Variants in DNAH17 observed in about 807,000 individuals in gnomAD.
DNAH17 encodes dynein axonemal heavy chain 17.
DNAH17 carries 376 observed loss-of-function variants against 485.6 expected under a neutral mutation model. The ratio of observed to expected loss-of-function variants is 0.77; its 90% CI spans 0.71 to 0.84. The LOEUF (loss-of-function observed/expected upper bound fraction) is 0.84. DNAH17 is among the 40% of genes least tolerant of loss of function. The pLI is 0.00. For synonymous variants in DNAH17, 3,031 were observed against 2,405.9 expected, an observed-to-expected ratio of 1.26 and a Z score of -7.60; for missense variants, 6,370 against 5,839.3, an observed-to-expected ratio of 1.09 and a Z score of -2.96.
intron 77 of DNAH17, 199 bp downstream of exon 77, chr17:78,428,326 G>A: frequency 1.5e-6 from 1 of 661,058 alleles, no homozygotes; most frequent in Non-Finnish European, 2.7e-6. Flanking sequence ...CTCACCCGAA[G>A]CCTGCAGCTG....
Position 78,571,757 on chromosome 17 carries a change from G to A in DNAH17, c.565C>T (p.Leu189Phe), listed in dbSNP as rs773423744. 2.5e-6 allele frequency: 4 copies of A among 1,602,546 alleles called. No homozygotes were observed. In the East Asian group the frequency reaches 6.7e-5, roughly 27 times the overall value. The change falls in exon 4 of 81, where the codon CTC becomes TTC. Residue 189 changes from leucine (L) to phenylalanine (F), a missense_variant. Transcript: ENST00000389840. ...ATGGTGGTTTCAATGGCGTGCAGGA[G>A]CAAGTTGTCCAGTGAAGAGGGGATC... is the stretch of plus-strand genomic sequence containing the variant. ...ERIPSSLDNL[L>F]LHAIETTIID...
intron 74 of DNAH17, among the ~76,000 whole-genome samples, chr17:78,434,860 G>A (rs1232716733): frequency 6.6e-6 from 1 of 152,224 alleles, no homozygotes; most frequent in Non-Finnish European, 1.5e-5. Flanking sequence ...GCTCTACTCA[G>A]CGGCTGACGG....
Position 78,543,627 on chromosome 17 carries a change from G to C in DNAH17, c.2532+230C>G, listed in dbSNP as rs999922566. 5.4e-5 allele frequency: 33 copies of C among 605,790 alleles called. No individual in the cohort carries two copies. In the Middle Eastern group the frequency reaches 1.2e-3, roughly 22 times the overall value. The allele number at this position is 605,790 out of a possible 1,614,324, so 37.5% of individuals were successfully genotyped here. A position where few individuals can be genotyped will look rare whatever the true frequency, so the allele number is the denominator to read the frequency against. On this transcript the variant is annotated intron_variant, in intron 17 of 80. Coordinates refer to ENST00000389840, the MANE Select transcript of DNAH17 (RefSeq NM_173628.4). ...TTTAGTAAAGGCAGGGTTTCACCAC[G>C]TTGGTCAAGCTGGTCTCGATCTCCT...
chr17:78,450,220 G>A (rs773202293), intron 68 of DNAH17, 34 bp downstream of exon 68: 1 of 1,611,752 alleles, frequency 6.2e-7, no homozygotes. Flanking sequence ...GCCCCACCTT[G>A]AGGGAGGCAC....
intron 54 of DNAH17, chr17:78,472,646 G>A: frequency 2.3e-6 from 1 of 440,282 alleles, no homozygotes; most frequent in Middle Eastern, 3.4e-4. Context: ...TGTGGGGAGG[G>A]GAGCTGGGGT....
intron 73 of DNAH17, among the ~76,000 whole-genome samples, chr17:78,438,539 C>T (rs938542478): frequency 2.1e-5 from 3 of 142,894 alleles, no homozygotes; most frequent in African/African-American, 5.3e-5. Context: ...ACTCTGTCGC[C>T]CGGGCTGGAG....
At chr17:78,433,971 G>GGGAAGGAGGGAGGGAA (rs1368780843) in intron 75 of DNAH17, 58 bp downstream of exon 75, 2 of 1,379,748 alleles carry the variant, frequency 1.4e-6, no homozygotes, top group Non-Finnish European at 2.0e-6. Context: ...GAAGGAGGGA[G>GGGAAGGAGGGAGGGAA]GGAAGGAGGG....
Position 78,499,029 on chromosome 17 carries a change from G to T in DNAH17, c.5724C>A (p.Val1908=), listed in dbSNP as rs1439984739. ...FDEFNRISVE[V]LSVIAVQVKC... is the part of the protein sequence containing the mutation. ...TTACCTGCACGGCAATCACAGACAAGACTTCCACTGAGATGCGATTAAACT... is the reference window on the plus strand; with the variant it reads ...TTACCTGCACGGCAATCACAGACAATACTTCCACTGAGATGCGATTAAACT... Residue 1908 remains valine, a synonymous_variant, in exon 37 of 81, where the codon GTC becomes GTA. Coordinates refer to ENST00000389840, the MANE Select transcript of DNAH17 (RefSeq NM_173628.4). 4.3e-6 allele frequency: 7 copies of T among 1,610,502 alleles called. No individual in the cohort carries two copies. In the Admixed American group the frequency reaches 1.2e-4, roughly 27 times the overall value.
Position 78,571,302 on chromosome 17 carries a change from T to G in DNAH17, c.809A>C (p.Asn270Thr). Reference protein sequence around the residue: ...AKSCYWPALQNVYTNVTEGLK... With the variant: ...AKSCYWPALQTVYTNVTEGLK... The stretch of plus-strand genomic sequence containing the variant: ...ACCTTCAGTGACGTTGGTGTAAACG[T>G]TTTGCAGGGCTGGCCAGTAGCAGCT... The change falls in exon 5 of 81, where the codon AAC becomes ACC. Residue 270 changes from asparagine to threonine, a missense_variant. Coordinates refer to ENST00000389840, the MANE Select transcript of DNAH17 (RefSeq NM_173628.4). 6.2e-7 allele frequency: 1 copy of G among 1,613,704 alleles called. No homozygotes were observed. Among genetic ancestry groups the G allele is most frequent in the Middle Eastern group, 1.7e-4 (1 of 6,054 alleles).
At chr17:78,474,082 G>A (rs2088898622) in intron 54 of DNAH17, among the ~76,000 whole-genome samples, 1 of 152,228 alleles carries the variant, frequency 6.6e-6, no homozygotes, top group South Asian at 2.1e-4. Context: ...GAGGTTGGCC[G>A]TCCCTGGCAC....
intron 19 of DNAH17, among the ~76,000 whole-genome samples, chr17:78,534,379 G>C (rs1405040071): frequency 6.6e-6 from 1 of 151,452 alleles, no homozygotes; most frequent in Non-Finnish European, 1.5e-5. Flanking sequence ...GGGAAGGTTG[G>C]CCCTAGGGCT....
chr17:78,457,297 G>A (rs2087850193), intron 62 of DNAH17, among the ~76,000 whole-genome samples: 2 of 152,098 alleles, frequency 1.3e-5, no homozygotes, highest in Non-Finnish European at 2.9e-5. Flanking sequence ...CTTGAACCCG[G>A]GAGATGGAGG....
At chr17:78,519,326 G>A (rs999247212) in intron 25 of DNAH17, among the ~76,000 whole-genome samples, 2 of 152,032 alleles carry the variant, frequency 1.3e-5, no homozygotes, top group Admixed American at 1.3e-4. Context: ...AAATTTTATA[G>A]CACGAAGTGT....
At chr17:78,450,416 G>A (rs1470288694) in intron 67 of DNAH17, 22 bp from the exon 68 acceptor site, 1 of 1,613,058 alleles carries the variant, frequency 6.2e-7, no homozygotes. Flanking sequence ...CAAAAGGGGT[G>A]TGAATGACAC....
rs146123326 is a variant in DNAH17 at position 78,458,587 on chromosome 17, T to G, written c.9955A>C (p.Arg3319=). Reference sequence around the variant, plus strand: ...TACCTGTTCGCCAGTAAGATCACCCTGTTCGTGGCATCGGCCTCTTGCTGA... The same window carrying G: ...TACCTGTTCGCCAGTAAGATCACCCGGTTCGTGGCATCGGCCTCTTGCTGA... ...KCQQEADATN[R]VILLANRLVG... Residue 3319 remains arginine (R), a synonymous_variant, in exon 62 of 81, where the codon AGG becomes CGG. Transcript: ENST00000389840. 1 of 1,613,992 alleles carries G rather than the reference T, an allele frequency of 6.2e-7. No homozygotes were observed. The highest frequency in any genetic ancestry group is 1.3e-5 in the African/African-American group (1 of 75,048).
Position 78,491,576 on chromosome 17 carries a change from G to A in DNAH17, c.6542-6C>T, listed in dbSNP as rs76764685. The A allele has an allele frequency of 0.01, 16,890 of 1,613,464 alleles. 120 individuals carry two copies. Among genetic ancestry groups the A allele is most frequent in the Non-Finnish European group, 0.011 (13,298 of 1,179,714 alleles). ...CATGATGGTGGAGAACAGGCCTGGGGGAGGCGCGTGGTATGACCCCGGGCC... is the reference window on the plus strand; with the variant it reads ...CATGATGGTGGAGAACAGGCCTGGGAGAGGCGCGTGGTATGACCCCGGGCC... On this transcript the variant is annotated splice_polypyrimidine_tract_variant and splice_region_variant and intron_variant, in intron 42 of 80. Transcript: ENST00000389840.
chr17:78,560,370 C>A (rs1212938749), intron 13 of DNAH17, among the ~76,000 whole-genome samples: 1 of 152,166 alleles, frequency 6.6e-6, no homozygotes, highest in Non-Finnish European at 1.5e-5. Context: ...TCTGAACTTT[C>A]CGGGTTTTAG....
In DNAH17 at chr17:78,526,880, C is replaced by T. The variant is rs2091093117; in HGVS notation, c.3624G>A (p.Glu1208=). 1 of 1,570,598 alleles carries T rather than the reference C, an allele frequency of 6.4e-7. No individual in the cohort carries two copies. Among genetic ancestry groups the T allele is most frequent in the Admixed American group, 1.9e-5 (1 of 52,828 alleles). The part of the protein sequence containing the change: ...SILRRKCQQF[E]LKQHEFRERF... Reference sequence around the variant, plus strand: ...CGCCACCCTGCCCCAGGTATAATACCTCGAATTGCTGGCATTTCCGCCGCA... The same window carrying T: ...CGCCACCCTGCCCCAGGTATAATACTTCGAATTGCTGGCATTTCCGCCGCA... The change falls in exon 23 of 81, where the codon GAG becomes GAA. Residue 1208 remains glutamate (E), a splice_region_variant and synonymous_variant. Transcript: ENST00000389840.
intron 78 of DNAH17, 66 bp from the exon 79 acceptor site, chr17:78,426,666 G>T: frequency 6.5e-7 from 1 of 1,532,280 alleles, no homozygotes; most frequent in South Asian, 1.3e-5. Flanking sequence ...CAGCCCCAGT[G>T]CGTGTCATGA....
Sources: gnomAD v4.1 joint callset for allele counts (sites outside exome capture counted in the v4.1 genomes callset) on GRCh38, gnomAD v4.1.1 for gene constraint, MANE v1.5 for transcripts, NCBI Gene and HGNC (gene_info 2026-07-23, HGNC 2026-07-21) for gene names.